MCTP1: variants seen among roughly 807,000 people sequenced by gnomAD.
The protein encoded by MCTP1 is multiple C2 and transmembrane domain-containing protein 1.
MCTP1 carries 69 observed loss-of-function variants against 120.6 expected under a neutral mutation model. The ratio of observed to expected loss-of-function variants is 0.57; its 90% CI spans 0.47 to 0.70. MCTP1 has a LOEUF of 0.70. MCTP1 is among the 30% of genes least tolerant of loss of function. The probability of loss-of-function intolerance (pLI) is 0.00; values close to 1 mark genes in which losing one functional copy is unlikely to be tolerated. For synonymous variants in MCTP1, 529 were observed against 493.1 expected (o/e 1.07, Z -0.96); for missense variants, 1,203 against 1,248.8 (o/e 0.96, Z 0.55).
At chr5:94,772,924 A>G (rs1774407446) in intron 19 of MCTP1, among the ~76,000 whole-genome samples, 1 of 152,146 alleles carries the variant, frequency 6.6e-6, no homozygotes, top group Non-Finnish European at 1.5e-5. Flanking sequence ...AATTCACTTA[A>G]ATTTGGCTGA....
chr5:94,871,051 G>T, intron 14 of MCTP1, 78 bp from the exon 15 acceptor site: 1 of 1,189,512 alleles, frequency 8.4e-7, no homozygotes, highest in Non-Finnish European at 1.2e-6. Context: ...TTGACCCCCA[G>T]CTGCTGAAAC....
chr5:94,809,727 T>C (rs777469331), intron 17 of MCTP1, among the ~76,000 whole-genome samples: 1 of 152,160 alleles, frequency 6.6e-6, no homozygotes, highest in Non-Finnish European at 1.5e-5. Flanking sequence ...ATTGATATTA[T>C]GTGGCCTGTG....
rs1371439187 is a variant in MCTP1 at position 94,953,228 on chromosome 5, C to A, written c.972G>T (p.Leu324Phe). 1.2e-6 allele frequency: 2 copies of A among 1,610,356 alleles called. No individual in the cohort carries two copies. The highest frequency in any genetic ancestry group is 2.2e-5 in the East Asian group (1 of 44,660). Residue 324 changes from leucine (L) to phenylalanine (F), a missense_variant, in exon 3 of 23, where the codon TTG (leucine) becomes TTT (phenylalanine). Leu to Phe is a conservative substitution (Grantham distance 22). Around this residue, in one of 2 missense-constraint regions of MCTP1, gnomAD observed 740 missense variants for 871.1 expected, o/e 0.85. Transcript: ENST00000515393. Reference protein sequence around the residue: ...CILVDHLREPLYIKVFDYDFG... With the variant: ...CILVDHLREPFYIKVFDYDFG... ...CAAATAAATGGCTCACCTTTATATA[C>A]AATGGCTCCCTAAGATGATCAACCA...
intron 16 of MCTP1, among the ~76,000 whole-genome samples, chr5:94,869,451 T>C (rs1797428413): frequency 6.6e-6 from 1 of 152,080 alleles, no homozygotes; most frequent in East Asian, 1.9e-4. Flanking sequence ...TTAGTTTTCC[T>C]TCTTTGCCCC....
intron 19 of MCTP1, among the ~76,000 whole-genome samples, chr5:94,754,017 T>A (rs978986874): frequency 3.9e-5 from 6 of 152,228 alleles, no homozygotes. Flanking sequence ...CGCTCTTAGA[T>A]GATTATAAAA....
At chr5:94,967,584 A>G (rs1317097091) in intron 2 of MCTP1, among the ~76,000 whole-genome samples, 1 of 152,332 alleles carries the variant, frequency 6.6e-6, no homozygotes, top group East Asian at 1.9e-4. Context: ...GTCAGCTAAC[A>G]AGAGTAGATT....
In MCTP1 at chr5:94,875,224, G is replaced by A. The variant is rs565690132; in HGVS notation, c.1934-1983C>T. 7.9e-5 allele frequency among the ~76,000 whole-genome samples: 12 copies of A among 152,250 alleles called. 1 individual carries two copies. The highest frequency in any genetic ancestry group is 2.2e-4 in the African/African-American group (9 of 41,568). On this transcript the variant is annotated intron_variant, in intron 12 of 22. Coordinates refer to ENST00000515393, the MANE Select transcript of MCTP1 (RefSeq NM_024717.7). ...TTTTAAAAGGGCTGCAGAGAAAGTC[G>A]TGCTAAGACAGTGACATGCAGGCAA...
At chr5:94,963,420 A>G (rs1214521534) in intron 2 of MCTP1, among the ~76,000 whole-genome samples, 1 of 147,200 alleles carries the variant, frequency 6.8e-6, no homozygotes, top group Non-Finnish European at 1.5e-5. Flanking sequence ...TTAGATTCCC[A>G]TTAACAGTGA....
At chr5:95,037,670 G>C (rs912634105) in intron 1 of MCTP1, among the ~76,000 whole-genome samples, 2 of 151,924 alleles carry the variant, frequency 1.3e-5, no homozygotes, top group African/African-American at 4.8e-5. Context: ...GTTTGAGATC[G>C]GCCTGGCAAA....
chr5:94,845,361 T>C (rs1792092070), intron 17 of MCTP1, among the ~76,000 whole-genome samples: 1 of 152,076 alleles, frequency 6.6e-6, no homozygotes, highest in East Asian at 1.9e-4. Context: ...GTGACACTTA[T>C]TCACTATCAC....
At chr5:94,905,558 GT>G (rs1272363661) in intron 10 of MCTP1, among the ~76,000 whole-genome samples, 1 of 152,136 alleles carries the variant, frequency 6.6e-6, no homozygotes, top group African/African-American at 2.4e-5. Flanking sequence ...TCCTCAATAT[GT>G]TTTGAAGAAA....
chr5:95,135,320 T>C (rs1466515092), intron 1 of MCTP1, among the ~76,000 whole-genome samples: 2 of 152,194 alleles, frequency 1.3e-5, no homozygotes, highest in Non-Finnish European at 2.9e-5. Flanking sequence ...ATTGAGAATA[T>C]TAATGATAAC....
chr5:95,256,471 G>A (rs1293060862), intron 1 of MCTP1, among the ~76,000 whole-genome samples: 1 of 152,116 alleles, frequency 6.6e-6, no homozygotes, highest in Non-Finnish European at 1.5e-5. Context: ...CAGAGTACTT[G>A]GTACCTACTT....
chr5:95,037,827 G>A (rs537690905), intron 1 of MCTP1, among the ~76,000 whole-genome samples: 1 of 152,216 alleles, frequency 6.6e-6, no homozygotes, highest in African/African-American at 2.4e-5. Context: ...CAGAGTTCAC[G>A]CCATTGCACT....
intron 17 of MCTP1, among the ~76,000 whole-genome samples, chr5:94,861,724 A>C (rs1795824718): frequency 6.6e-6 from 1 of 151,866 alleles, no homozygotes; most frequent in Non-Finnish European, 1.5e-5. Context: ...GAAGACAAGA[A>C]CATTGGTTTA....
At chr5:95,091,070 A>T (rs34269247) in intron 1 of MCTP1, among the ~76,000 whole-genome samples, 73,963 of 151,976 alleles carry the variant, frequency 0.49, 20,260 homozygotes, top group Admixed American at 0.63. Context: ...TGGTACCTCA[A>T]ACTAACACTG....
intron 6 of MCTP1, 145 bp downstream of exon 6, chr5:94,931,808 T>C (rs2153480289): frequency 6.0e-6 from 4 of 663,940 alleles, no homozygotes; most frequent in Non-Finnish European, 7.9e-6. Flanking sequence ...AAACATCACA[T>C]GGTTGGCTTA....
At chr5:94,954,126 A>G (rs1249988435) in intron 2 of MCTP1, among the ~76,000 whole-genome samples, 1 of 63,202 alleles carries the variant, frequency 1.6e-5, no homozygotes, top group Non-Finnish European at 2.8e-5. Context: ...ATATATACAA[A>G]TATATATATG....
chr5:95,171,064 A>G (rs1747207886), intron 1 of MCTP1, among the ~76,000 whole-genome samples: 2 of 151,616 alleles, frequency 1.3e-5, no homozygotes, highest in African/African-American at 4.9e-5. Flanking sequence ...GTTCCTTTCC[A>G]TGTTTAGTGC....
Sources: allele counts gnomAD v4.1 joint callset (sites outside exome capture counted in the v4.1 genomes callset), GRCh38; gene constraint gnomAD v4.1.1; regional missense constraint gnomAD v4.1.1; transcripts MANE v1.5; gene names NCBI Gene and HGNC (gene_info 2026-07-23, HGNC 2026-07-21).